Variants in SRRT observed in about 807,000 individuals in gnomAD.
SRRT encodes the protein serrate, RNA effector molecule.
Under a neutral mutation model 103.2 loss-of-function variants are expected in SRRT, and 32 were observed. The observed-to-expected ratio is 0.31, with a 90% CI of 0.23 to 0.42. The LOEUF is 0.42. SRRT is among the 10% of genes least tolerant of loss of function. SRRT has a pLI of 1.00. For missense variants in SRRT, 986 were observed against 1,207.5 expected, an observed-to-expected ratio of 0.82 and a Z score of 2.72; for synonymous variants, 525 against 449.0, an observed-to-expected ratio of 1.17 and a Z score of -2.14.
Position 100,876,564 on chromosome 7 carries a change from C to T in SRRT, c.122+852C>T, listed in dbSNP as rs111542935. Among the ~76,000 whole-genome samples the T allele has an allele frequency of 6.7e-3, 1,016 of 152,216 alleles. 3 individuals are homozygous for T. Among genetic ancestry groups the T allele is most frequent in the African/African-American group, 7.7e-3 (320 of 41,510 alleles). ...ATAGAGTTGATCTGACTGGAGAGGT[C>T]GTCAGATTATTTCCCTGACAATATA... On this transcript the variant is annotated intron_variant, in intron 2 of 19. Transcript: ENST00000611405.
chr7:100,875,316 C>T lies in SRRT; in HGVS notation c.-31C>T, dbSNP rs570420687. The T allele has an allele frequency of 7.8e-4, 897 of 1,145,602 alleles. 6 individuals carry two copies. The African/African-American group carries it at 0.013, about 16-fold the overall frequency. 71.0% of individuals were successfully genotyped at this position (1,145,602 alleles called of 1,614,324 possible). A position where few individuals can be genotyped will look rare whatever the true frequency, so the allele number is the denominator to read the frequency against. On this transcript the variant is annotated 5_prime_UTR_variant, in exon 1 of 20. Transcript: ENST00000611405. Reference sequence around the variant, plus strand: ...CGTCCGAGCGCGAGTCCAACGGCCGCGGCCGCACCAAGGTGGGGGAGGGGA... The same window carrying T: ...CGTCCGAGCGCGAGTCCAACGGCCGTGGCCGCACCAAGGTGGGGGAGGGGA...
chr7:100,875,805 G>T, intron 2 of SRRT, 93 bp downstream of exon 2: 1 of 1,524,484 alleles, frequency 6.6e-7, no homozygotes, highest in Non-Finnish European at 9.0e-7. Context: ...TTTTTATGAG[G>T]GCGAATCCTA....
rs577781430 is a variant in SRRT at position 100,875,915 on chromosome 7, C to T, written c.122+203C>T. ...TTTTGAAATTCTCTGCAGATCAGAG[C>T]TATAGAGCTAAGAGTTTGAGTATGA... On this transcript the variant is annotated intron_variant, in intron 2 of 19. Coordinates refer to ENST00000611405, the MANE Select transcript of SRRT (RefSeq NM_015908.6). 361 of 566,346 alleles carry T rather than the reference C, an allele frequency of 6.4e-4. 5 individuals are homozygous for T. In the South Asian group the frequency reaches 7.0e-3, roughly 11 times the overall value. The allele number at this position is 566,346 out of a possible 1,614,324, so 35.1% of individuals were successfully genotyped here. A position where few individuals can be genotyped will look rare whatever the true frequency, so the allele number is the denominator to read the frequency against.
At chr7:100,880,584 C>G (rs1017916760) in intron 2 of SRRT, 8 of 281,912 alleles carry the variant, frequency 2.8e-5, no homozygotes, top group African/African-American at 1.8e-4. Flanking sequence ...GGATTACAGG[C>G]GTGAGCCACC....
chr7:100,882,381 G>A lies in SRRT; in HGVS notation c.587+140G>A. 2.2e-6 allele frequency: 2 copies of A among 901,490 alleles called. No homozygotes were observed. Among genetic ancestry groups the A allele is most frequent in the Non-Finnish European group, 3.3e-6 (2 of 604,788 alleles). The allele number at this position is 901,490 out of a possible 1,614,324, so 55.8% of individuals were successfully genotyped here. On this transcript the variant is annotated intron_variant, in intron 5 of 19. Transcript: ENST00000611405. This position sits in a 1 kb window ranked among gnomAD's most constrained non-coding sequence, Gnocchi z 4.2. ...GGGGTCGGGAAGTATGACAGCATTGGCTGATGGGGTCTCCCCCTCACTTCA... is the reference window on the plus strand; with the variant it reads ...GGGGTCGGGAAGTATGACAGCATTGACTGATGGGGTCTCCCCCTCACTTCA...
At position 100,888,558 on chromosome 7, in the gene SRRT, C is replaced by G; in HGVS notation, c.*9C>G. On this transcript the variant is annotated 3_prime_UTR_variant, in exon 20 of 20. Coordinates refer to ENST00000611405, the MANE Select transcript of SRRT (RefSeq NM_015908.6). ...ATGTTGATTTCTTTTGAGCCGTCCCCCGTTCCTCAGTCCTGTATCATCCAT... is the reference window on the plus strand; with the variant it reads ...ATGTTGATTTCTTTTGAGCCGTCCCGCGTTCCTCAGTCCTGTATCATCCAT... 1 of 1,614,166 alleles carries G rather than the reference C, an allele frequency of 6.2e-7. No homozygotes were observed. Among genetic ancestry groups the G allele is most frequent in the South Asian group, 1.1e-5 (1 of 91,086 alleles).
chr7:100,886,048 T>C, intron 12 of SRRT, 107 bp downstream of exon 12: 2 of 1,396,644 alleles, frequency 1.4e-6, no homozygotes, highest in Non-Finnish European at 2.0e-6. Context: ...CTGCACACTC[T>C]TTGACCGTTT....
intron 3 of SRRT, 89 bp downstream of exon 3, chr7:100,881,502 T>C (rs1789555399): frequency 6.4e-7 from 1 of 1,567,090 alleles, no homozygotes; most frequent in African/African-American, 1.4e-5. Flanking sequence ...TAAATCTTTG[T>C]CATTTCCTTT....
At position 100,885,982 on chromosome 7, in the gene SRRT, ACT is replaced by A. The variant is rs375791534; in HGVS notation, c.1458+44_1458+45del. 1,275 of 1,594,840 alleles carry A rather than the reference ACT, an allele frequency of 8.0e-4. 19 individuals are homozygous for A. In the South Asian group the frequency reaches 0.012, roughly 15 times the overall value. ...GGGACTGTGGGGAAGAGGAAGGGAG[ACT>A]CTGTGCCACACGGGACCTCTGTGTG... is the stretch of plus-strand genomic sequence containing the variant. On this transcript the variant is annotated intron_variant, in intron 12 of 19. Transcript: ENST00000611405. This position sits in a 1 kb window ranked among gnomAD's most constrained non-coding sequence, Gnocchi z 4.8.
In SRRT at chr7:100,881,671, C is replaced by G. The variant is rs780200386; in HGVS notation, c.264C>G (p.Ser88Arg). 7 of 1,613,928 alleles carry G rather than the reference C, an allele frequency of 4.3e-6. No homozygotes were observed. The Admixed American group carries it at 1.0e-4, about 23-fold the overall frequency. ...CCCCCACCTTCAGGGATGAGCACAG[C>G]TCTGACCCATACCACAGTGGCTATG... ...KRMRRDWDEH[S>R]SDPYHSGYEM... is the part of the protein sequence containing the mutation. The change falls in exon 4 of 20, where the codon AGC (serine) becomes AGG (arginine). Residue 88 changes from serine (S) to arginine (R), a missense_variant. Physicochemically the swap from Ser to Arg is moderately radical, Grantham distance 110. Coordinates refer to ENST00000611405, the MANE Select transcript of SRRT (RefSeq NM_015908.6).
At chr7:100,881,146 G>A (rs967052403) in intron 2 of SRRT, 139 bp from the exon 3 acceptor site, 4 of 795,810 alleles carry the variant, frequency 5.0e-6, no homozygotes, top group African/African-American at 1.8e-5. Flanking sequence ...GGGGGGCGGG[G>A]GGGGGTCTCA....
chr7:100,880,992 C>T (rs1816252334), intron 2 of SRRT, among the ~76,000 whole-genome samples: 1 of 152,030 alleles, frequency 6.6e-6, no homozygotes, highest in African/African-American at 2.4e-5. Flanking sequence ...CTGTTAGGAG[C>T]GAAGTTTTAT....
intron 2 of SRRT, among the ~76,000 whole-genome samples, chr7:100,877,208 A>G (rs1348291528): frequency 1.3e-5 from 2 of 151,438 alleles, no homozygotes; most frequent in African/African-American, 4.9e-5. Context: ...AGATCACGAG[A>G]TCGAGAGATT....
chr7:100,885,504 C>G lies in SRRT; in HGVS notation c.1317+134C>G. On this transcript the variant is annotated intron_variant, in intron 10 of 19. Transcript: ENST00000611405. The surrounding 1 kb of genome is among the most constrained non-coding windows in gnomAD (Gnocchi z 4.8). ...AGGCCCCTTCCCCAGGTTCCATGGC[C>G]TCCGAGGACTAGTCCTGATAGCGCC... is the stretch of plus-strand genomic sequence containing the variant. The G allele has an allele frequency of 1.8e-6, 2 of 1,129,468 alleles. No homozygotes were observed. Among genetic ancestry groups the G allele is most frequent in the Non-Finnish European group, 2.5e-6 (2 of 797,944 alleles). The allele number at this position is 1,129,468 out of a possible 1,614,324, so 70.0% of individuals were successfully genotyped here.
In SRRT at chr7:100,888,604, T is replaced by C. The variant is rs769316988; in HGVS notation, c.*55T>C. On this transcript the variant is annotated 3_prime_UTR_variant, in exon 20 of 20. Transcript: ENST00000611405. ...TCCATACTTGTACTACCTTGTCCTATGAAGCTCTGAGAATTTTTTGTACGA... is the reference window on the plus strand; with the variant it reads ...TCCATACTTGTACTACCTTGTCCTACGAAGCTCTGAGAATTTTTTGTACGA... 1 of 1,608,652 alleles carries C rather than the reference T, an allele frequency of 6.2e-7. No homozygotes were observed. The highest frequency in any genetic ancestry group is 1.1e-5 in the South Asian group (1 of 90,918).
Position 100,886,375 on chromosome 7 carries a change from C to T in SRRT, c.1587C>T (p.His529=). The change falls in exon 13 of 20, where the codon CAC becomes CAT. Residue 529 remains histidine (H), a synonymous_variant. Coordinates refer to ENST00000611405, the MANE Select transcript of SRRT (RefSeq NM_015908.6). ...NDIKLAAKLI[H]TLDDRTQLWA... ...TCAAGCTGGCGGCCAAGCTGATCCA[C>T]ACGCTGGATGACAGGACACAGCTTT... 1.9e-6 allele frequency: 3 copies of T among 1,613,856 alleles called. No individual in the cohort carries two copies. Among genetic ancestry groups the T allele is most frequent in the South Asian group, 1.1e-5 (1 of 91,062 alleles).
rs747346978 is a variant in SRRT at position 100,888,399 on chromosome 7, G to T, written c.2555+16G>T. The T allele has an allele frequency of 6.2e-7, 1 of 1,613,278 alleles. No homozygotes were observed. The highest frequency in any genetic ancestry group is 1.1e-5 in the South Asian group (1 of 91,024). On this transcript the variant is annotated intron_variant, in intron 19 of 19. Coordinates refer to ENST00000611405, the MANE Select transcript of SRRT (RefSeq NM_015908.6). Reference sequence around the variant, plus strand: ...CTCGCAACAGGTGAGGAGGGCAGACGCCCAAGCTTTGTTGCCGCCTGCAGA... The same window carrying T: ...CTCGCAACAGGTGAGGAGGGCAGACTCCCAAGCTTTGTTGCCGCCTGCAGA...
intron 1 of SRRT, 39 bp from the exon 2 acceptor site, chr7:100,875,534 C>G: frequency 6.2e-7 from 1 of 1,606,642 alleles, no homozygotes; most frequent in East Asian, 2.2e-5. Context: ...CTCCGCTCGT[C>G]CTTTTGCACC....
chr7:100,888,233 A>G (rs775852785), intron 18 of SRRT, 24 bp from the exon 19 acceptor site: 64 of 1,603,868 alleles, frequency 4.0e-5, no homozygotes, highest in South Asian at 4.4e-5. Context: ...TAGTTTTGCA[A>G]CTCAACACTG....
Sources: gnomAD v4.1 joint callset for allele counts (sites outside exome capture counted in the v4.1 genomes callset) on GRCh38, gnomAD v4.1.1 for gene constraint, Gnocchi (gnomAD v3.1) non-coding constraint, MANE v1.5 for transcripts, NCBI Gene and HGNC (gene_info 2026-07-23, HGNC 2026-07-21) for gene names.